The following NCAPH2 variants were observed in gnomAD, a reference collection of about 807,000 sequenced individuals.
The protein encoded by NCAPH2 is non-SMC condensin II complex subunit H2, also known as condensin-2 complex subunit H2.
In NCAPH2, 56 loss-of-function variants were observed where a neutral mutation model predicts 88.6. The ratio of observed to expected loss-of-function variants is 0.63; its 90% CI spans 0.51 to 0.79. NCAPH2 has a LOEUF of 0.79. Ranked by LOEUF, NCAPH2 falls within the 30% of genes least tolerant of loss-of-function variation. NCAPH2 has a pLI of 0.00. For synonymous variants in NCAPH2, 378 were observed against 313.6 expected (o/e 1.21, Z -2.17); for missense variants, 794 against 792.0 (o/e 1.00, Z -0.03).
Position 50,508,451 on chromosome 22 carries a change from G to A in NCAPH2, c.108+6G>A, listed in dbSNP as rs2148652590. 1.4e-6 allele frequency: 2 copies of A among 1,403,712 alleles called. No individual in the cohort carries two copies. The highest frequency in any genetic ancestry group is 3.1e-5 in the East Asian group (1 of 32,216). 87.0% of individuals were successfully genotyped at this position (1,403,712 alleles called of 1,614,324 possible). A position where few individuals can be genotyped will look rare whatever the true frequency, so the allele number is the denominator to read the frequency against. The stretch of plus-strand genomic sequence containing the variant: ...TGGGCGAGTATCTGGAGGAGGTAAG[G>A]GCGGCGGGGGAGTGACGCGGGGTGG... On this transcript the variant is annotated splice_donor_region_variant and intron_variant, in intron 1 of 19. Coordinates refer to ENST00000420993, the MANE Select transcript of NCAPH2 (RefSeq NM_152299.4).
At chr22:50,508,466 A>G in intron 1 of NCAPH2, 21 bp downstream of exon 1, 1 of 320,228 alleles carries the variant, frequency 3.1e-6, no homozygotes, top group Non-Finnish European at 4.9e-6. Flanking sequence ...CGGGGGAGTG[A>G]CGCGGGGTGG....
At chr22:50,514,273 CAG>C (rs912810042) in intron 1 of NCAPH2, among the ~76,000 whole-genome samples, 2 of 151,604 alleles carry the variant, frequency 1.3e-5, no homozygotes, top group Non-Finnish European at 2.9e-5. Flanking sequence ...AAATCCTAAA[CAG>C]AGGCACTGAG....
chr22:50,508,473 GTGGGCC>G, intron 1 of NCAPH2, 28 bp downstream of exon 1: 1 of 1,273,284 alleles, frequency 7.9e-7, no homozygotes, highest in Non-Finnish European at 1.0e-6. Flanking sequence ...GTGACGCGGG[GTGGGCC>G]GGCGGGTGGG....
At chr22:50,521,207 C>T (rs1372091079) in intron 10 of NCAPH2, among the ~76,000 whole-genome samples, 171 bp downstream of exon 10, 2 of 152,210 alleles carry the variant, frequency 1.3e-5, no homozygotes, top group African/African-American at 4.8e-5. Context: ...CCCACCCTCT[C>T]TCTAGTGTTC....
chr22:50,515,618 G>C (rs1025569694), intron 1 of NCAPH2: 18 of 856,482 alleles, frequency 2.1e-5, no homozygotes, highest in Middle Eastern at 4.3e-4. Context: ...GGATGGTCTC[G>C]ATCTCCTGAC....
chr22:50,519,210 A>C lies in NCAPH2; in HGVS notation c.751A>C (p.Met251Leu), dbSNP rs763292905. 3.7e-6 allele frequency: 6 copies of C among 1,610,738 alleles called. No individual in the cohort carries two copies. The highest frequency in any genetic ancestry group is 3.4e-5 in the Admixed American group (2 of 59,654). Residue 251 changes from methionine (M) to leucine (L), a missense_variant, in exon 9 of 20, where the codon ATG becomes CTG. By Grantham distance (15) the Met-to-Leu change is conservative. Transcript: ENST00000420993. ...CCTAGGCCCCTCTCCAGAAGGCCCG[A>C]TGCCCCTGGGTGGGGGCGAGGACGA... is the stretch of plus-strand genomic sequence containing the variant. ...QEPGPSPEGPMPLGGGEDEDA... is the reference protein window; with the variant it reads ...QEPGPSPEGPLPLGGGEDEDA...
chr22:50,515,922 G>A, intron 1 of NCAPH2: 1 of 651,920 alleles, frequency 1.5e-6, no homozygotes, highest in Non-Finnish European at 2.3e-6. Context: ...ATGGGATGAA[G>A]GAATGTGCAT....
chr22:50,520,083 G>A (rs1235090233), intron 9 of NCAPH2, among the ~76,000 whole-genome samples: 1 of 152,038 alleles, frequency 6.6e-6, no homozygotes, highest in Admixed American at 6.5e-5. Context: ...TGTTGGCCAG[G>A]ATGGTCTCAA....
In NCAPH2 at chr22:50,524,188, C is replaced by G. The variant is rs1471259864; in HGVS notation, c.*813C>G. The G allele has an allele frequency of 1.9e-6, 3 of 1,609,104 alleles. No individual in the cohort carries two copies. The highest frequency in any genetic ancestry group is 2.5e-6 in the Non-Finnish European group (3 of 1,179,956). On this transcript the variant is annotated 3_prime_UTR_variant, in exon 20 of 20. Coordinates refer to ENST00000420993, the MANE Select transcript of NCAPH2 (RefSeq NM_152299.4). The stretch of plus-strand genomic sequence containing the variant: ...CTCCTTCTCAGCCCTCAGGGCCAGC[C>G]AGGCCCCACCGAGTCCAGCCCCGAA...
chr22:50,519,853 C>A, intron 9 of NCAPH2: 1 of 743,124 alleles, frequency 1.3e-6, no homozygotes, highest in Non-Finnish European at 1.6e-6. Context: ...AGAAGAGTAC[C>A]CCGTGACCAC....
intron 1 of NCAPH2, 103 bp from the exon 2 acceptor site, chr22:50,516,344 C>A: frequency 9.9e-7 from 1 of 1,014,486 alleles, no homozygotes. Context: ...CTGCCCGTCT[C>A]GGGAGGTGCT....
Position 50,521,830 on chromosome 22 carries a change from C to T in NCAPH2, c.1090C>T (p.Gln364Ter), listed in dbSNP as rs778827138. The change falls in exon 12 of 20, where the codon CAG (glutamine) becomes TAG (stop). Residue 364 changes from glutamine (Q) to a stop codon, truncating the protein, a stop_gained. Transcript: ENST00000420993. LOFTEE classifies it high-confidence loss of function. ...CGCTGCCAAGCTGCAGGACTTCCAC[C>T]AGTGGTACCTGGCTGCCTGTGAGTG... ...KGAAKLQDFH[Q>*]WYLAAYADHA... 6 of 1,613,940 alleles carry T rather than the reference C, an allele frequency of 3.7e-6. No homozygotes were observed. Among genetic ancestry groups the T allele is most frequent in the Non-Finnish European group, 3.4e-6 (4 of 1,180,024 alleles).
chr22:50,523,258 A>T lies in NCAPH2; in HGVS notation c.1701A>T (p.Ile567=). ...LQLANDYTVE[I]TQQPGLEMAV... ...AGGCCAATGACTACACAGTGGAGAT[A>T]ACCCAGCAGCCCGGGCTGGAGATGG... is the stretch of plus-strand genomic sequence containing the variant. The change falls in exon 20 of 20, where the codon ATA becomes ATT. Residue 567 remains isoleucine, a synonymous_variant. Coordinates refer to ENST00000420993, the MANE Select transcript of NCAPH2 (RefSeq NM_152299.4). 1 of 1,612,382 alleles carries T rather than the reference A, an allele frequency of 6.2e-7. No individual in the cohort carries two copies. The highest frequency in any genetic ancestry group is 8.5e-7 in the Non-Finnish European group (1 of 1,179,372).
At chr22:50,516,595 A>T in intron 2 of NCAPH2, 47 bp downstream of exon 2, 1 of 1,566,354 alleles carries the variant, frequency 6.4e-7, no homozygotes, top group East Asian at 2.2e-5. Context: ...GGCCAGTGGG[A>T]CCACAGTCGG....
chr22:50,514,704 A>G (rs1216932088), intron 1 of NCAPH2, among the ~76,000 whole-genome samples: 1 of 151,874 alleles, frequency 6.6e-6, no homozygotes, highest in Non-Finnish European at 1.5e-5. Context: ...GGTCCTGAAC[A>G]CCCCCGAGGT....
At chr22:50,508,974 G>C (rs892740515) in intron 1 of NCAPH2, among the ~76,000 whole-genome samples, 1 of 152,202 alleles carries the variant, frequency 6.6e-6, no homozygotes, top group South Asian at 2.1e-4. Context: ...GCCCAGCTCA[G>C]TCTGGCGTCC....
At chr22:50,521,691 T>G in intron 11 of NCAPH2, 50 bp from the exon 12 acceptor site, 1 of 1,612,158 alleles carries the variant, frequency 6.2e-7, no homozygotes, top group African/African-American at 1.3e-5. Context: ...GGAGTGGGCT[T>G]TGCACCCTGA....
chr22:50,521,757 G>GCGCA lies in NCAPH2; in HGVS notation c.1018_1019insGCAC (p.Pro340ArgfsTer76). On this transcript the variant is annotated frameshift_variant, in exon 12 of 20. Coordinates refer to ENST00000420993, the MANE Select transcript of NCAPH2 (RefSeq NM_152299.4). LOFTEE classifies it high-confidence loss of function. ...TGCCCCCAGGTAGGCCTTACTCTGT[G>GCGCA]CCCCCCTGTGTGGAGGAGGCTCTGG... 1 of 1,613,924 alleles carries GCGCA rather than the reference G, an allele frequency of 6.2e-7. No individual in the cohort carries two copies. Among genetic ancestry groups the GCGCA allele is most frequent in the Non-Finnish European group, 8.5e-7 (1 of 1,180,028 alleles).
At position 50,521,202 on chromosome 22, in the gene NCAPH2, C is replaced by T. The variant is rs1000222846; in HGVS notation, c.933+166C>T. On this transcript the variant is annotated intron_variant, in intron 10 of 19. Coordinates refer to ENST00000420993, the MANE Select transcript of NCAPH2 (RefSeq NM_152299.4). ...CCCTCATGCGACTCTGGGCTCCCACCCTCTCTCTAGTGTTCCCCTCTGTGA... is the reference window on the plus strand; with the variant it reads ...CCCTCATGCGACTCTGGGCTCCCACTCTCTCTCTAGTGTTCCCCTCTGTGA... Among the ~76,000 whole-genome samples the T allele has an allele frequency of 3.3e-5, 5 of 152,180 alleles. No individual in the cohort carries two copies. In the South Asian group the frequency reaches 8.3e-4, roughly 25 times the overall value.
Sources: gnomAD v4.1 joint callset for allele counts (sites outside exome capture counted in the v4.1 genomes callset) on GRCh38, gnomAD v4.1.1 for gene constraint, MANE v1.5 for transcripts, NCBI Gene and HGNC (gene_info 2026-07-23, HGNC 2026-07-21) for gene names.